The following EP300 variants were observed in gnomAD, a reference collection of about 807,000 sequenced individuals.
EP300 encodes EP300 lysine acetyltransferase.
EP300 carries 31 observed loss-of-function variants against 264.0 expected under a neutral mutation model. The ratio of observed to expected loss-of-function variants is 0.12; its 90% CI spans 0.09 to 0.16. EP300 has a LOEUF of 0.16. Ranked by LOEUF, EP300 falls within the 10% of genes least tolerant of loss-of-function variation. EP300 has a pLI of 1.00. For missense variants in EP300, 2,766 were observed against 3,052.9 expected, an observed-to-expected ratio of 0.91 and a Z score of 2.21; for synonymous variants, 1,340 against 1,045.4, an observed-to-expected ratio of 1.28 and a Z score of -5.44.
intron 19 of EP300, chr22:41,160,193 G>C (rs184682613): frequency 3.0e-4 from 66 of 218,602 alleles, no homozygotes; most frequent in African/African-American, 1.4e-3. Context: ...AAAGGATATG[G>C]GTCTGTGTAA....
chr22:41,146,904 C>A, intron 11 of EP300, 88 bp downstream of exon 11: 2 of 1,157,342 alleles, frequency 1.7e-6, no homozygotes, highest in Non-Finnish European at 2.5e-6. Context: ...CGCTTTATGC[C>A]AACAGCAAGT....
chr22:41,095,747 A>G (rs1251221997), intron 1 of EP300, among the ~76,000 whole-genome samples: 1 of 152,152 alleles, frequency 6.6e-6, no homozygotes, highest in African/African-American at 2.4e-5. Flanking sequence ...AATAAGCCCG[A>G]AATTCTAGCA....
rs138603475 is a variant in EP300 at position 41,152,677 on chromosome 22, A to G, written c.3142+327A>G. Among the ~76,000 whole-genome samples the G allele has an allele frequency of 4.3e-4, 65 of 152,304 alleles. 2 individuals carry two copies. Among genetic ancestry groups the G allele is most frequent in the Admixed American group, 2.9e-3 (44 of 15,294 alleles). On this transcript the variant is annotated intron_variant, in intron 16 of 30. Coordinates refer to ENST00000263253, the MANE Select transcript of EP300 (RefSeq NM_001429.4). The stretch of plus-strand genomic sequence containing the variant: ...TGACTAAAATGCAGGAAAGAATAGC[A>G]ATAGTAATAGCATTTGTCATTCACC...
intron 2 of EP300, among the ~76,000 whole-genome samples, chr22:41,122,189 G>A (rs2058856576): frequency 8.1e-6 from 1 of 122,804 alleles, no homozygotes; most frequent in Non-Finnish European, 1.6e-5. Context: ...TTTGGAGACA[G>A]AGTTTCGTTC....
chr22:41,117,041 AC>A, intron 1 of EP300, 145 bp from the exon 2 acceptor site: 1 of 765,750 alleles, frequency 1.3e-6, no homozygotes, highest in East Asian at 2.7e-5. Flanking sequence ...AGCCTGTGCA[AC>A]AGAGTAAGAC....
At chr22:41,109,376 A>G (rs540905387) in intron 1 of EP300, among the ~76,000 whole-genome samples, 1 of 152,318 alleles carries the variant, frequency 6.6e-6, no homozygotes, top group South Asian at 2.1e-4. Flanking sequence ...CTATATTACT[A>G]AAGCTGATTA....
chr22:41,136,228 G>T (rs1051367267), intron 7 of EP300, among the ~76,000 whole-genome samples: 2 of 152,166 alleles, frequency 1.3e-5, no homozygotes, highest in African/African-American at 4.8e-5. Context: ...GTTTCACTGT[G>T]TTGGCCAGGC....
In EP300 at chr22:41,146,731, T is replaced by G. The variant is rs774040734; in HGVS notation, c.2054-8T>G. 6.2e-7 allele frequency: 1 copy of G among 1,614,016 alleles called. No individual in the cohort carries two copies. Among genetic ancestry groups the G allele is most frequent in the East Asian group, 2.2e-5 (1 of 44,890 alleles). ...TGCAAAGATACTTATTTCTCTTTTT[T>G]ACTCTAGATGGCCCTCTACCTGACC... On this transcript the variant is annotated splice_polypyrimidine_tract_variant and splice_region_variant and intron_variant, in intron 10 of 30. Coordinates refer to ENST00000263253, the MANE Select transcript of EP300 (RefSeq NM_001429.4).
intron 1 of EP300, among the ~76,000 whole-genome samples, chr22:41,104,589 C>A (rs2058748333): frequency 6.6e-6 from 1 of 152,114 alleles, no homozygotes; most frequent in Non-Finnish European, 1.5e-5. Context: ...CATGTCCGGC[C>A]TCATGTAGTT....
At chr22:41,158,130 A>G (rs2059087886) in intron 18 of EP300, among the ~76,000 whole-genome samples, 1 of 152,084 alleles carries the variant, frequency 6.6e-6, no homozygotes, top group Non-Finnish European at 1.5e-5. Context: ...CAGTCTTCCC[A>G]CCTCAGCTTC....
rs1164553387 is a variant in EP300 at position 41,172,670 on chromosome 22, G to A, written c.4617+7G>A. On this transcript the variant is annotated splice_region_variant and intron_variant, in intron 28 of 30. Transcript: ENST00000263253. Reference sequence around the variant, plus strand: ...CAGCAATGAAAGCACAGATGTAAGGGCATTGAGTTTCCTTTGAAACTTCTA... The same window carrying A: ...CAGCAATGAAAGCACAGATGTAAGGACATTGAGTTTCCTTTGAAACTTCTA... 1.2e-6 allele frequency: 2 copies of A among 1,611,256 alleles called. No homozygotes were observed. Among genetic ancestry groups the A allele is most frequent in the African/African-American group, 2.7e-5 (2 of 74,858 alleles).
At chr22:41,115,360 A>G in intron 1 of EP300, among the ~76,000 whole-genome samples, 1 of 152,314 alleles carries the variant, frequency 6.6e-6, no homozygotes, top group East Asian at 1.9e-4. Context: ...ACAACAAAGA[A>G]TTATCACATA....
intron 2 of EP300, among the ~76,000 whole-genome samples, chr22:41,118,469 T>C (rs1407676441): frequency 6.6e-6 from 1 of 152,266 alleles, no homozygotes; most frequent in South Asian, 2.1e-4. Flanking sequence ...TATTTTTCTT[T>C]ACATATTTTA....
chr22:41,095,350 G>A (rs1052512746), intron 1 of EP300, among the ~76,000 whole-genome samples: 3 of 144,686 alleles, frequency 2.1e-5, no homozygotes, highest in African/African-American at 7.7e-5. Flanking sequence ...TTCTGTCTCA[G>A]CCTCCCTAGT....
At chr22:41,173,151 T>C (rs2059180431) in intron 28 of EP300, among the ~76,000 whole-genome samples, 1 of 152,216 alleles carries the variant, frequency 6.6e-6, no homozygotes, top group African/African-American at 2.4e-5. Flanking sequence ...ATTACCTCCA[T>C]TGAATTTAAC....
intron 17 of EP300, 65 bp from the exon 18 acceptor site, chr22:41,157,103 AT>A (rs1225701206): frequency 6.3e-7 from 1 of 1,599,406 alleles, no homozygotes; most frequent in Non-Finnish European, 8.6e-7. Context: ...ATGATAATGG[AT>A]GATACTCCAT....
rs2059151864 is a variant in EP300 at position 41,168,321 on chromosome 22, G to A, written c.3875-128G>A. On this transcript the variant is annotated intron_variant, in intron 23 of 30. Transcript: ENST00000263253. ...TGCAAAGTAGTGACTACTTTGCTAT[G>A]ATTTTTTAAAATTTCACCAAGTTAT... 5 of 1,116,418 alleles carry A rather than the reference G, an allele frequency of 4.5e-6. No individual in the cohort carries two copies. The East Asian group carries it at 9.5e-5, about 21-fold the overall frequency. The allele number at this position is 1,116,418 out of a possible 1,614,324, so 69.2% of individuals were successfully genotyped here. A position where few individuals can be genotyped will look rare whatever the true frequency, so the allele number is the denominator to read the frequency against.
Position 41,178,547 on chromosome 22 carries a change from G to A in EP300, c.6836G>A (p.Ser2279Asn). Residue 2279 changes from serine to asparagine, a missense_variant, in exon 31 of 31, where the codon AGC becomes AAC. By Grantham distance (46) the Ser-to-Asn change is conservative. Transcript: ENST00000263253. ...MGSPVQPNPM[S>N]PQQHMLPNQA... ...TCCCCTGTTCAGCCCAACCCCATGA[G>A]CCCCCAGCAGCATATGCTCCCAAAT... 6.2e-7 allele frequency: 1 copy of A among 1,613,794 alleles called. No individual in the cohort carries two copies. The highest frequency in any genetic ancestry group is 8.5e-7 in the Non-Finnish European group (1 of 1,179,924).
intron 29 of EP300, among the ~76,000 whole-genome samples, chr22:41,174,998 G>A (rs1288420069): frequency 6.6e-6 from 1 of 151,764 alleles, no homozygotes; most frequent in Admixed American, 6.6e-5. Flanking sequence ...TGTAATAATG[G>A]TAATAACCAT....
Sources: gnomAD v4.1 joint callset for allele counts (sites outside exome capture counted in the v4.1 genomes callset) on GRCh38, gnomAD v4.1.1 for gene constraint, MANE v1.5 for transcripts, NCBI Gene and HGNC (gene_info 2026-07-23, HGNC 2026-07-21) for gene names.